Variants in GPC6 observed in about 807,000 individuals in gnomAD.
GPC6 encodes glypican 6.
GPC6 carries 14 observed loss-of-function variants against 55.2 expected under a neutral mutation model. That is an observed-to-expected ratio of 0.25 (90% confidence interval 0.17 to 0.40). The LOEUF is 0.40. Among genes scored for constraint, GPC6 ranks in the 10% least tolerant of loss-of-function variants. The probability of loss-of-function intolerance (pLI) is 1.00; values close to 1 mark genes in which losing one functional copy is unlikely to be tolerated. For missense variants in GPC6, 641 were observed against 708.5 expected, an observed-to-expected ratio of 0.90 and a Z score of 1.08; for synonymous variants, 278 against 259.6, an observed-to-expected ratio of 1.07 and a Z score of -0.68.
chr13:93,693,199 T>C (rs1350959550), intron 2 of GPC6, among the ~76,000 whole-genome samples: 1 of 152,142 alleles, frequency 6.6e-6, no homozygotes, highest in African/African-American at 2.4e-5. Flanking sequence ...TTGCTTTAAA[T>C]TGTTAAGAAT....
chr13:93,959,541 C>T (rs770926421), intron 3 of GPC6, among the ~76,000 whole-genome samples: 2 of 152,092 alleles, frequency 1.3e-5, no homozygotes, highest in South Asian at 2.1e-4. Context: ...ACAGAAGTGG[C>T]GCATAAATAA....
intron 1 of GPC6, among the ~76,000 whole-genome samples, chr13:93,407,534 AT>A (rs35875515): frequency 6.6e-6 from 1 of 152,160 alleles, no homozygotes; most frequent in Non-Finnish European, 1.5e-5. Context: ...AAAAAGGCAC[AT>A]TTTCTTTACT....
chr13:93,831,174 C>G (rs1887479137), intron 3 of GPC6, among the ~76,000 whole-genome samples: 1 of 152,146 alleles, frequency 6.6e-6, no homozygotes, highest in Non-Finnish European at 1.5e-5. Flanking sequence ...CCATGCATTG[C>G]CTTGGGCTTA....
chr13:93,940,494 A>G (rs766286816), intron 3 of GPC6, among the ~76,000 whole-genome samples: 1 of 152,018 alleles, frequency 6.6e-6, no homozygotes, highest in African/African-American at 2.4e-5. Flanking sequence ...GACATAATAA[A>G]TCACATCTCA....
At chr13:94,275,752 A>G (rs184430840) in intron 4 of GPC6, among the ~76,000 whole-genome samples, 1 of 152,264 alleles carries the variant, frequency 6.6e-6, no homozygotes, top group Admixed American at 6.5e-5. Flanking sequence ...AAAAAATCCA[A>G]CAGTAAAATA....
chr13:93,373,685 A>C (rs1440512517), intron 1 of GPC6, among the ~76,000 whole-genome samples: 2 of 152,208 alleles, frequency 1.3e-5, no homozygotes, highest in Non-Finnish European at 2.9e-5. Context: ...TGCAAGAATT[A>C]GTGATTCAAA....
At chr13:93,735,128 G>A (rs2138841311) in intron 2 of GPC6, among the ~76,000 whole-genome samples, 1 of 152,130 alleles carries the variant, frequency 6.6e-6, no homozygotes, top group Admixed American at 6.6e-5. Flanking sequence ...ACTGTTGTAT[G>A]TTTTCCAATA....
At chr13:93,635,091 A>G (rs1174536269) in intron 2 of GPC6, among the ~76,000 whole-genome samples, 1 of 151,752 alleles carries the variant, frequency 6.6e-6, no homozygotes, top group African/African-American at 2.4e-5. Context: ...TTAAAAACGT[A>G]TTGGGTTTTC....
chr13:93,962,570 C>T (rs1302808186), intron 3 of GPC6, among the ~76,000 whole-genome samples: 1 of 152,036 alleles, frequency 6.6e-6, no homozygotes, highest in Non-Finnish European at 1.5e-5. Flanking sequence ...GGAATAAACA[C>T]ATAAATAAAC....
intron 2 of GPC6, among the ~76,000 whole-genome samples, chr13:93,641,224 C>T (rs931322539): frequency 6.6e-6 from 1 of 151,986 alleles, no homozygotes; most frequent in South Asian, 2.1e-4. Context: ...ACAATTGTGT[C>T]CCACTCCTCA....
At chr13:93,776,729 A>G (rs1222317287) in intron 2 of GPC6, among the ~76,000 whole-genome samples, 1 of 152,200 alleles carries the variant, frequency 6.6e-6, no homozygotes, top group East Asian at 1.9e-4. Flanking sequence ...TACTAAATCA[A>G]TTATTATGCT....
At chr13:93,338,500 T>C (rs930435311) in intron 1 of GPC6, among the ~76,000 whole-genome samples, 3 of 152,210 alleles carry the variant, frequency 2.0e-5, no homozygotes, top group African/African-American at 7.2e-5. Context: ...TTTCAGGCAG[T>C]GATTTCTGCC....
At chr13:94,039,329 T>C (rs986770455) in intron 4 of GPC6, among the ~76,000 whole-genome samples, 3 of 151,986 alleles carry the variant, frequency 2.0e-5, no homozygotes, top group South Asian at 2.1e-4. Flanking sequence ...TGGATTCAGA[T>C]GGATGAGACT....
chr13:94,293,331 TC>T (rs1205697170), intron 5 of GPC6, among the ~76,000 whole-genome samples: 1 of 152,162 alleles, frequency 6.6e-6, no homozygotes, highest in Non-Finnish European at 1.5e-5. Flanking sequence ...GGGGCAGTTT[TC>T]CCCATGCTGT....
chr13:93,479,873 A>G (rs2139340012), intron 1 of GPC6, among the ~76,000 whole-genome samples: 1 of 152,276 alleles, frequency 6.6e-6, no homozygotes, highest in South Asian at 2.1e-4. Context: ...TCTCATGGAG[A>G]GTGAGACAGA....
At chr13:93,729,835 A>T (rs1883762706) in intron 2 of GPC6, among the ~76,000 whole-genome samples, 1 of 152,218 alleles carries the variant, frequency 6.6e-6, no homozygotes. Context: ...ACCAACAGAA[A>T]TAAGAATGGG....
chr13:94,166,159 C>G (rs1232995065), intron 4 of GPC6, among the ~76,000 whole-genome samples: 1 of 152,108 alleles, frequency 6.6e-6, no homozygotes, highest in Non-Finnish European at 1.5e-5. Context: ...TGGAGGAGCC[C>G]TTGGTTATCG....
At chr13:94,010,336 G>A (rs1882195822) in intron 3 of GPC6, among the ~76,000 whole-genome samples, 1 of 152,092 alleles carries the variant, frequency 6.6e-6, no homozygotes, top group Non-Finnish European at 1.5e-5. Context: ...ACATCAGAAG[G>A]CCAAGGGTAA....
At chr13:93,927,746 C>T (rs1408521173) in intron 3 of GPC6, among the ~76,000 whole-genome samples, 1 of 150,752 alleles carries the variant, frequency 6.6e-6, no homozygotes, top group African/African-American at 2.4e-5. Context: ...CCTTAGATAG[C>T]AGTGAAGTTT....
Sources: allele counts gnomAD v4.1 joint callset (sites outside exome capture counted in the v4.1 genomes callset), GRCh38; gene constraint gnomAD v4.1.1; transcripts MANE v1.5; gene names NCBI Gene and HGNC (gene_info 2026-07-23, HGNC 2026-07-21).